Variants in ADAMTS16 observed in about 807,000 individuals in gnomAD.
ADAMTS16 encodes the protein ADAM metallopeptidase with thrombospondin type 1 motif 16.
A neutral mutation model predicts 145.8 loss-of-function variants in ADAMTS16; 94 were observed. The observed-to-expected ratio is 0.64, with a 90% confidence interval of 0.55 to 0.77. The LOEUF is 0.77. Ranked by LOEUF, ADAMTS16 falls within the 30% of genes least tolerant of loss-of-function variation. The pLI is 0.00. For synonymous variants in ADAMTS16, 659 were observed against 604.3 expected, an observed-to-expected ratio of 1.09 and a Z score of -1.33; for missense variants, 1,585 against 1,591.5, an observed-to-expected ratio of 1.00 and a Z score of 0.07.
At position 5,140,334 on chromosome 5, in the gene ADAMTS16, A is replaced by C; in HGVS notation, c.-134A>C. 1 of 926,424 alleles carries C rather than the reference A, an allele frequency of 1.1e-6. No homozygotes were observed. The highest frequency in any genetic ancestry group is 1.5e-6 in the Non-Finnish European group (1 of 670,108). The allele number at this position is 926,424 out of a possible 1,614,324, so 57.4% of individuals were successfully genotyped here. A position where few individuals can be genotyped will look rare whatever the true frequency, so the allele number is the denominator to read the frequency against. On this transcript the variant is annotated 5_prime_UTR_variant, in exon 1 of 23. Transcript: ENST00000274181. ...CCCCGCGCCGCACGGAGCTTCAGTA[A>C]TAACCCCGGCGCGGCGGCGGAGTCG...
chr5:5,207,527 G>A (rs923386190), intron 9 of ADAMTS16, among the ~76,000 whole-genome samples: 3 of 152,000 alleles, frequency 2.0e-5, no homozygotes, highest in Non-Finnish European at 4.4e-5. Flanking sequence ...TGCCTTTTAT[G>A]TAATATTCTT....
chr5:5,294,636 C>T (rs1465522163), intron 18 of ADAMTS16, among the ~76,000 whole-genome samples: 1 of 152,222 alleles, frequency 6.6e-6, no homozygotes, highest in South Asian at 2.1e-4. Flanking sequence ...TATTTGTCTA[C>T]TGCAGTCTAG....
At chr5:5,274,940 C>G (rs1296628128) in intron 18 of ADAMTS16, among the ~76,000 whole-genome samples, 1 of 152,110 alleles carries the variant, frequency 6.6e-6, no homozygotes. Flanking sequence ...GCGTAACTGT[C>G]CCCTAATAAT....
At chr5:5,169,036 G>A (rs911685147) in intron 3 of ADAMTS16, among the ~76,000 whole-genome samples, 3 of 151,822 alleles carry the variant, frequency 2.0e-5, no homozygotes, top group Non-Finnish European at 4.4e-5. Context: ...TGGCATGGGG[G>A]CTAGATGTTT....
intron 9 of ADAMTS16, among the ~76,000 whole-genome samples, chr5:5,208,258 G>C (rs1239003940): frequency 6.6e-6 from 1 of 152,188 alleles, no homozygotes; most frequent in Non-Finnish European, 1.5e-5. Flanking sequence ...CAACCACTCA[G>C]AGCCAAGTTT....
At chr5:5,308,822 C>T (rs6867065) in intron 21 of ADAMTS16, among the ~76,000 whole-genome samples, 152,191 of 152,192 alleles carry the variant, frequency 1, 76,095 homozygotes, top group Non-Finnish European at 1. Flanking sequence ...TGGTGGTGCA[C>T]GCCTGTAATC....
chr5:5,173,577 C>T (rs1379698407), intron 3 of ADAMTS16, among the ~76,000 whole-genome samples: 1 of 151,854 alleles, frequency 6.6e-6, no homozygotes, highest in Non-Finnish European at 1.5e-5. Context: ...AGGTACATGC[C>T]ATTCTCCTGC....
At chr5:5,184,139 G>A (rs12518196) in intron 4 of ADAMTS16, among the ~76,000 whole-genome samples, 21,937 of 152,224 alleles carry the variant, frequency 0.14, 1,955 homozygotes, top group Middle Eastern at 0.22. Flanking sequence ...CTACTGGAGC[G>A]TGCATCCTCA....
intron 18 of ADAMTS16, among the ~76,000 whole-genome samples, chr5:5,296,912 G>A (rs1739560067): frequency 6.6e-6 from 1 of 152,200 alleles, no homozygotes; most frequent in Non-Finnish European, 1.5e-5. Flanking sequence ...AGTAGAAACC[G>A]TTGGCTCAAT....
intron 17 of ADAMTS16, among the ~76,000 whole-genome samples, chr5:5,243,740 C>A (rs919245): frequency 0.15 from 22,868 of 152,112 alleles, 1,861 homozygotes; most frequent in Middle Eastern, 0.19. Context: ...AATGGCCAGT[C>A]GATGATTCTG....
At chr5:5,301,902 T>G (rs1221262600) in intron 18 of ADAMTS16, among the ~76,000 whole-genome samples, 1 of 152,144 alleles carries the variant, frequency 6.6e-6, no homozygotes, top group Non-Finnish European at 1.5e-5. Flanking sequence ...GGACCCCTGG[T>G]GCCCTGCACT....
At position 5,306,712 on chromosome 5, in the gene ADAMTS16, C is replaced by A; in HGVS notation, c.3395C>A (p.Ala1132Asp). 6.2e-7 allele frequency: 1 copy of A among 1,610,740 alleles called. No homozygotes were observed. Among genetic ancestry groups the A allele is most frequent in the Admixed American group, 1.7e-5 (1 of 59,696 alleles). The stretch of plus-strand genomic sequence containing the variant: ...GGACCCTCGAGGGGCAGCTGGTTTG[C>A]CTCACCCTGGTCTCAGGTAGGGGAG... ...AAGPSRGSWFASPWSQCTASC... is the reference protein window; with the variant it reads ...AAGPSRGSWFDSPWSQCTASC... Residue 1132 changes from alanine to aspartate, a missense_variant, in exon 21 of 23, where the codon GCC becomes GAC. By Grantham distance (126) the Ala-to-Asp change is moderately radical. Transcript: ENST00000274181.
chr5:5,222,743 T>C, intron 10 of ADAMTS16, 46 bp from the exon 11 acceptor site: 1 of 1,446,106 alleles, frequency 6.9e-7, no homozygotes, highest in Non-Finnish European at 9.7e-7. Context: ...ATAGATGAAT[T>C]GACAATATGA....
chr5:5,169,743 C>T (rs112310963), intron 3 of ADAMTS16, among the ~76,000 whole-genome samples: 5 of 152,282 alleles, frequency 3.3e-5, no homozygotes, highest in African/African-American at 4.8e-5. Flanking sequence ...AGGTCGTCCA[C>T]GCCCAGTTTC....
intron 10 of ADAMTS16, among the ~76,000 whole-genome samples, chr5:5,218,664 G>T (rs554180164): frequency 1.3e-5 from 2 of 152,306 alleles, no homozygotes; most frequent in Non-Finnish European, 2.9e-5. Flanking sequence ...CACCCCTGTG[G>T]CCTCAAAGAT....
At chr5:5,244,997 G>A (rs769552913) in intron 17 of ADAMTS16, among the ~76,000 whole-genome samples, 32 of 152,124 alleles carry the variant, frequency 2.1e-4, no homozygotes, top group South Asian at 1.5e-3. Flanking sequence ...TACAGTGACT[G>A]CTTCTGAGAT....
At chr5:5,224,084 G>T (rs938998999) in intron 11 of ADAMTS16, among the ~76,000 whole-genome samples, 1 of 152,000 alleles carries the variant, frequency 6.6e-6, no homozygotes, top group African/African-American at 2.4e-5. Flanking sequence ...GCCAACTGAA[G>T]AAATGAACAG....
chr5:5,220,317 G>A lies in ADAMTS16; in HGVS notation c.1606-2472G>A, dbSNP rs538188383. ...TGGGACTACAGGCACCCGCCACCAC[G>A]CCTGGCTAATTTTTTATATTTTTAG... On this transcript the variant is annotated intron_variant, in intron 10 of 22. Coordinates refer to ENST00000274181, the MANE Select transcript of ADAMTS16 (RefSeq NM_139056.4). Among the ~76,000 whole-genome samples the A allele has an allele frequency of 4.1e-3, 608 of 150,044 alleles. 6 individuals carry two copies. Among genetic ancestry groups the A allele is most frequent in the African/African-American group, 0.011 (451 of 40,950 alleles).
intron 10 of ADAMTS16, among the ~76,000 whole-genome samples, chr5:5,213,438 G>A (rs1227658859): frequency 1.3e-5 from 2 of 152,132 alleles, no homozygotes; most frequent in Non-Finnish European, 2.9e-5. Context: ...TTTAGTTCCA[G>A]AATTCCATTT....
Sources: allele counts gnomAD v4.1 joint callset (sites outside exome capture counted in the v4.1 genomes callset), GRCh38; gene constraint gnomAD v4.1.1; transcripts MANE v1.5; gene names NCBI Gene and HGNC (gene_info 2026-07-23, HGNC 2026-07-21).